The following DUS2 variants were observed in gnomAD, a reference collection of about 807,000 sequenced individuals.
DUS2 encodes the protein tRNA-dihydrouridine(20) synthase [NAD(P)+]-like.
DUS2 carries 52 observed loss-of-function variants against 71.3 expected under a neutral mutation model. The observed-to-expected ratio is 0.73, with a 90% confidence interval of 0.58 to 0.92. The LOEUF is 0.92. Among genes scored for constraint, DUS2 ranks in the 40% least tolerant of loss-of-function variants. The probability of loss-of-function intolerance (pLI) is 0.00; values close to 1 mark genes in which losing one functional copy is unlikely to be tolerated. For missense variants in DUS2, 558 were observed against 622.6 expected (o/e 0.90, Z 1.10); for synonymous variants, 204 against 227.8 (o/e 0.90, Z 0.94).
chr16:68,026,080 T>C (rs990236040), intron 2 of DUS2, among the ~76,000 whole-genome samples: 1 of 152,186 alleles, frequency 6.6e-6, no homozygotes, highest in Non-Finnish European at 1.5e-5. Flanking sequence ...AACCTCTGCC[T>C]CCCAGGTTCA....
intron 2 of DUS2, among the ~76,000 whole-genome samples, chr16:68,037,268 A>T (rs1372923673): frequency 6.6e-6 from 1 of 151,606 alleles, no homozygotes; most frequent in Non-Finnish European, 1.5e-5. Context: ...ATGTGCATGT[A>T]TACTAATTTT....
chr16:68,076,601 T>G, intron 14 of DUS2, 31 bp from the exon 15 acceptor site: 1 of 1,566,954 alleles, frequency 6.4e-7, no homozygotes, highest in Non-Finnish European at 8.8e-7. Context: ...TGATGGTGGG[T>G]GACCCCAACT....
chr16:68,062,155 C>T (rs1021075810), intron 8 of DUS2, among the ~76,000 whole-genome samples: 6 of 152,166 alleles, frequency 3.9e-5, no homozygotes, highest in East Asian at 1.9e-4. Context: ...GGATTACAGG[C>T]GCCCACGACG....
chr16:68,028,913 G>T (rs751988822), intron 2 of DUS2, among the ~76,000 whole-genome samples: 11 of 152,144 alleles, frequency 7.2e-5, no homozygotes, highest in Non-Finnish European at 1.0e-4. Flanking sequence ...ATGAAATGCT[G>T]TATCAGGGCT....
rs749527240 is a variant in DUS2, at chr16:68,076,626, C to A, written c.1083-6C>A. 1.2e-6 allele frequency: 2 copies of A among 1,612,620 alleles called. No homozygotes were observed. Among genetic ancestry groups the A allele is most frequent in the African/African-American group, 1.3e-5 (1 of 75,006 alleles). On this transcript the variant is annotated splice_polypyrimidine_tract_variant and splice_region_variant and intron_variant, in intron 14 of 16. Transcript: ENST00000565263. Reference sequence around the variant, plus strand: ...TGACCCCAACTGCTTCCCTTCCTTTCCCCAGGAGAGCATACCCAGCCCAGA... The same window carrying A: ...TGACCCCAACTGCTTCCCTTCCTTTACCCAGGAGAGCATACCCAGCCCAGA...
In DUS2 at chr16:68,038,090, G is replaced by A; in HGVS notation, c.67G>A (p.Gly23Arg). 1 of 1,613,956 alleles carries A rather than the reference G, an allele frequency of 6.2e-7. No homozygotes were observed. Among genetic ancestry groups the A allele is most frequent in the South Asian group, 1.1e-5 (1 of 91,078 alleles). ...AATCCTGGCCCCAATGGTTCGGGTAGGGACTCTTCCAATGAGGCTGCTGGC... is the reference window on the plus strand; with the variant it reads ...AATCCTGGCCCCAATGGTTCGGGTAAGGACTCTTCCAATGAGGCTGCTGGC... ...KLILAPMVRV[G>R]TLPMRLLALD... The change falls in exon 3 of 17, where the codon GGG becomes AGG. Residue 23 changes from glycine (G) to arginine (R), a missense_variant. Gly to Arg is a moderately radical substitution (Grantham distance 125, BLOSUM62 -2). Coordinates refer to ENST00000565263, the MANE Select transcript of DUS2 (RefSeq NM_017803.5).
intron 11 of DUS2, 90 bp from the exon 12 acceptor site, chr16:68,070,850 A>C: frequency 2.8e-6 from 4 of 1,406,544 alleles, no homozygotes; most frequent in Middle Eastern, 2.0e-4. Flanking sequence ...TCACATTGTT[A>C]ATCAGTGGCA....
intron 10 of DUS2, among the ~76,000 whole-genome samples, chr16:68,067,577 C>T (rs113896227): frequency 0.12 from 17,707 of 151,500 alleles, 1,189 homozygotes; most frequent in South Asian, 0.19. Context: ...CCACCAGGCC[C>T]AGCCTCATTT....
At chr16:68,071,384 T>G (rs2034084871) in intron 12 of DUS2, among the ~76,000 whole-genome samples, 1 of 152,228 alleles carries the variant, frequency 6.6e-6, no homozygotes, top group African/African-American at 2.4e-5. Context: ...AGGATGCTGT[T>G]GGAACCCCGA....
At position 68,075,488 on chromosome 16, in the gene DUS2, G is replaced by T. The variant is rs746251986; in HGVS notation, c.1066G>T (p.Ala356Ser). ...AGATACCTCTGGTGTCATTAAGATGGCTGTCAAGTTTGACCGGTAGGTCTC... is the reference window on the plus strand; with the variant it reads ...AGATACCTCTGGTGTCATTAAGATGTCTGTCAAGTTTGACCGGTAGGTCTC... ...AEDTSGVIKM[A>S]VKFDRRAYPA... The change falls in exon 14 of 17, where the codon GCT becomes TCT. Residue 356 changes from alanine (A) to serine (S), a missense_variant. Transcript: ENST00000565263. The T allele has an allele frequency of 2.5e-6, 4 of 1,612,306 alleles. No homozygotes were observed. Among genetic ancestry groups the T allele is most frequent in the South Asian group, 2.2e-5 (2 of 90,558 alleles).
chr16:68,055,679 TGTGGCACATACTGACATCTTAGTAA>T (rs2033841935), intron 6 of DUS2, among the ~76,000 whole-genome samples: 1 of 152,000 alleles, frequency 6.6e-6, no homozygotes, highest in African/African-American at 2.4e-5. Flanking sequence ...CTTTGCAGCA[TGTGGCACATACTGACATCTTAGTAA>T]GTGTTAGCTA....
At chr16:68,040,828 C>CCG (rs1023576991) in intron 3 of DUS2, among the ~76,000 whole-genome samples, 1 of 107,946 alleles carries the variant, frequency 9.3e-6, no homozygotes, top group Non-Finnish European at 1.9e-5. Context: ...CTGGGGGTGG[C>CCG]GGGGGGGAGT....
In DUS2 at chr16:68,076,684, C is replaced by T. The variant is rs570376852; in HGVS notation, c.1135C>T (p.Arg379Trp). 18 of 1,614,014 alleles carry T rather than the reference C, an allele frequency of 1.1e-5. No homozygotes were observed. The highest frequency in any genetic ancestry group is 7.7e-5 in the South Asian group (7 of 91,080). ...TPKMCLLEWC[R>W]REKLAQPVYE... ...TAAGATGTGCCTACTAGAGTGGTGC[C>T]GGAGGGAGAAGTTGGCACAGCCTGT... The change falls in exon 15 of 17, where the codon CGG becomes TGG. Residue 379 changes from arginine (R) to tryptophan (W), a missense_variant. Transcript: ENST00000565263.
intron 3 of DUS2, among the ~76,000 whole-genome samples, chr16:68,041,679 G>A (rs1455933140): frequency 1.3e-5 from 2 of 151,990 alleles, no homozygotes; most frequent in African/African-American, 4.8e-5. Context: ...TAGCCTGGTG[G>A]TGCACACCTG....
chr16:68,075,567 A>G, intron 14 of DUS2, 63 bp downstream of exon 14: 2 of 1,500,390 alleles, frequency 1.3e-6, no homozygotes, highest in Non-Finnish European at 1.8e-6. Flanking sequence ...CCACTGGGCC[A>G]GCACACTGGC....
intron 15 of DUS2, 57 bp from the exon 16 acceptor site, chr16:68,078,388 G>A (rs1489715053): frequency 6.6e-7 from 1 of 1,522,106 alleles, no homozygotes; most frequent in African/African-American, 1.4e-5. Context: ...GACCCCAGCA[G>A]TTTGGCCTAC....
intron 7 of DUS2, among the ~76,000 whole-genome samples, chr16:68,058,198 G>A (rs1425648692): frequency 6.6e-6 from 1 of 151,498 alleles, no homozygotes; most frequent in Non-Finnish European, 1.5e-5. Flanking sequence ...TAAAAGATCA[G>A]CTGGACTTGG....
chr16:68,053,372 G>A (rs1325106091), intron 4 of DUS2, among the ~76,000 whole-genome samples, 192 bp from the exon 5 acceptor site: 1 of 152,208 alleles, frequency 6.6e-6, no homozygotes, highest in Non-Finnish European at 1.5e-5. Flanking sequence ...CATCACCCAG[G>A]TCAGGAAATA....
intron 5 of DUS2, 137 bp from the exon 6 acceptor site, chr16:68,054,437 G>A: frequency 1.1e-6 from 1 of 944,680 alleles, no homozygotes; most frequent in Non-Finnish European, 1.7e-6. Flanking sequence ...TGGGCTGGCT[G>A]TTTAAGAGAA....
Sources: gnomAD v4.1 joint callset for allele counts (sites outside exome capture counted in the v4.1 genomes callset) on GRCh38, gnomAD v4.1.1 for gene constraint, MANE v1.5 for transcripts, NCBI Gene and HGNC (gene_info 2026-07-23, HGNC 2026-07-21) for gene names.